The following CYBRD1 variants were observed in gnomAD, a reference collection of about 807,000 sequenced individuals.
CYBRD1 encodes cytochrome b reductase 1.
A neutral mutation model predicts 21.9 loss-of-function variants in CYBRD1; 14 were observed. The ratio of observed to expected loss-of-function variants is 0.64; its 90% confidence interval spans 0.42 to 1.00. CYBRD1 has a LOEUF of 1.00. CYBRD1 is among the 50% of genes least tolerant of loss of function. The probability of loss-of-function intolerance (pLI) is 0.00; values close to 1 mark genes in which losing one functional copy is unlikely to be tolerated. For missense variants in CYBRD1, 328 were observed against 352.5 expected (o/e 0.93, Z 0.56); for synonymous variants, 146 against 136.5 (o/e 1.07, Z -0.48).
chr2:171,557,310 T>C lies in CYBRD1; in HGVS notation c.*2483T>C, dbSNP rs1683507060. On this transcript the variant is annotated 3_prime_UTR_variant, in exon 4 of 4. Transcript: ENST00000321348. The stretch of plus-strand genomic sequence containing the variant: ...TAATAGGGGAGAAGAAAGCCTTAGG[T>C]ATCAATTCCAAAACAGTGATTGAAA... 6.6e-6 allele frequency: 1 copy of C among 152,144 alleles called. No homozygotes were observed. Among genetic ancestry groups the C allele is most frequent in the Non-Finnish European group, 1.5e-5 (1 of 68,018 alleles). 9.4% of individuals were successfully genotyped at this position (152,144 alleles called of 1,614,324 possible).
intron 1 of CYBRD1, among the ~76,000 whole-genome samples, chr2:171,529,652 T>C (rs1282080929): frequency 6.6e-6 from 1 of 151,320 alleles, no homozygotes; most frequent in Non-Finnish European, 1.5e-5. Context: ...GGCTGGGCAG[T>C]GGCAGTGGGC....
At chr2:171,551,307 T>C (rs964716913) in intron 2 of CYBRD1, among the ~76,000 whole-genome samples, 1 of 152,132 alleles carries the variant, frequency 6.6e-6, no homozygotes, top group East Asian at 1.9e-4. Context: ...TTGATACTAA[T>C]AGAATCACTG....
In CYBRD1 at chr2:171,537,527, G is replaced by A. The variant is rs6704910; in HGVS notation, c.194-4058G>A. Among the ~76,000 whole-genome samples the A allele has an allele frequency of 8.5e-3, 1,299 of 152,148 alleles. 16 individuals carry two copies. Among genetic ancestry groups the A allele is most frequent in the African/African-American group, 0.03 (1,241 of 41,516 alleles). ...CACACATACACACAAGTAACCTAGT[G>A]AAATCTGAATAAGGGATGGAGGAGG... On this transcript the variant is annotated intron_variant, in intron 1 of 3. Transcript: ENST00000321348.
At chr2:171,531,980 C>CTGAA (rs1187240632) in intron 1 of CYBRD1, among the ~76,000 whole-genome samples, 1 of 152,194 alleles carries the variant, frequency 6.6e-6, no homozygotes, top group Middle Eastern at 3.2e-3. Context: ...TCCAAATCAT[C>CTGAA]TGAATCACTT....
At chr2:171,546,066 A>T (rs1206547966) in intron 2 of CYBRD1, among the ~76,000 whole-genome samples, 1 of 152,132 alleles carries the variant, frequency 6.6e-6, no homozygotes, top group Non-Finnish European at 1.5e-5. Context: ...GTGCTAACCG[A>T]GCTTCTCAGA....
intron 1 of CYBRD1, chr2:171,540,824 G>T (rs917556625): frequency 2.2e-5 from 3 of 134,094 alleles, no homozygotes; most frequent in Admixed American, 8.5e-5. Context: ...GTGCAGTGGC[G>T]CAATCTCGGC....
At chr2:171,528,926 C>T (rs1473265871) in intron 1 of CYBRD1, among the ~76,000 whole-genome samples, 1 of 152,218 alleles carries the variant, frequency 6.6e-6, no homozygotes, top group Admixed American at 6.5e-5. Context: ...ATCTTATAGA[C>T]TCTGAATTCA....
At chr2:171,534,949 G>T (rs572343564) in intron 1 of CYBRD1, among the ~76,000 whole-genome samples, 137 of 152,328 alleles carry the variant, frequency 9.0e-4, no homozygotes, top group African/African-American at 3.0e-3. Context: ...GCTGAGATGG[G>T]AGGATGGCTT....
rs1226405210 is a variant in CYBRD1, at chr2:171,554,688, C to T, written c.722C>T (p.Thr241Ile). Residue 241 changes from threonine (T) to isoleucine (I), a missense_variant, in exon 4 of 4, where the codon ACT becomes ATT. Transcript: ENST00000321348. ...ACCATTCTTCATCCAAATGGAGGCACTGAACAGGGAGCAAGAGGTTCCATG... is the reference window on the plus strand; with the variant it reads ...ACCATTCTTCATCCAAATGGAGGCATTGAACAGGGAGCAAGAGGTTCCATG... ...NSTILHPNGG[T>I]EQGARGSMPA... is the part of the protein sequence containing the mutation. 1 of 1,614,060 alleles carries T rather than the reference C, an allele frequency of 6.2e-7. No homozygotes were observed. Among genetic ancestry groups the T allele is most frequent in the Admixed American group, 1.7e-5 (1 of 59,978 alleles).
intron 1 of CYBRD1, among the ~76,000 whole-genome samples, chr2:171,526,472 A>G (rs1225676269): frequency 6.6e-6 from 1 of 150,654 alleles, no homozygotes; most frequent in Non-Finnish European, 1.5e-5. Context: ...CCATACTCCA[A>G]GTATATTTTG....
Position 171,554,644 on chromosome 2 carries a change from T to G in CYBRD1, c.678T>G (p.Arg226=). 1 of 1,614,002 alleles carries G rather than the reference T, an allele frequency of 6.2e-7. No homozygotes were observed. Among genetic ancestry groups the G allele is most frequent in the South Asian group, 1.1e-5 (1 of 91,080 alleles). ...TAGTCACCAGACCGCAATGGAAACG[T>G]CCTAAGGAGCCAAATTCTACCATTC... The part of the protein sequence containing the change: ...FWIVTRPQWK[R]PKEPNSTILH... Residue 226 remains arginine (R), a synonymous_variant, in exon 4 of 4, where the codon CGT becomes CGG. Coordinates refer to ENST00000321348, the MANE Select transcript of CYBRD1 (RefSeq NM_024843.4).
At chr2:171,528,075 G>A (rs1001862461) in intron 1 of CYBRD1, among the ~76,000 whole-genome samples, 5 of 150,762 alleles carry the variant, frequency 3.3e-5, no homozygotes, top group African/African-American at 1.2e-4. Flanking sequence ...CTCCTCCTTG[G>A]GGCACTTTAT....
At chr2:171,536,786 T>C (rs898118865) in intron 1 of CYBRD1, among the ~76,000 whole-genome samples, 3 of 152,208 alleles carry the variant, frequency 2.0e-5, no homozygotes, top group Admixed American at 6.5e-5. Flanking sequence ...GAATTTTTGA[T>C]ATAATATGAT....
Position 171,522,587 on chromosome 2 carries a change from G to A in CYBRD1, c.42G>A (p.Gly14=), listed in dbSNP as rs372271042. 6.2e-7 allele frequency: 1 copy of A among 1,611,550 alleles called. No homozygotes were observed. The highest frequency in any genetic ancestry group is 8.5e-7 in the Non-Finnish European group (1 of 1,179,296). Residue 14 remains glycine, a synonymous_variant, in exon 1 of 4, where the codon GGG becomes GGA. Transcript: ENST00000321348. This position sits in a 1 kb window ranked among gnomAD's most constrained non-coding sequence, Gnocchi z 4.3. The stretch of plus-strand genomic sequence containing the variant: ...ACTGGCGCTTCCTGGCGCTGCTGGG[G>A]TCGGCACTGCTCGTCGGCTTCCTGT... The part of the protein sequence containing the change: ...EGYWRFLALL[G]SALLVGFLSV...
Position 171,525,943 on chromosome 2 carries a change from C to A in CYBRD1, c.193+3205C>A, listed in dbSNP as rs1386854690. Among the ~76,000 whole-genome samples, 16 of 115,640 alleles carry A rather than the reference C, an allele frequency of 1.4e-4. No individual in the cohort carries two copies. The Admixed American group carries it at 1.4e-3, about 10-fold the overall frequency. The allele number at this position is 115,640 out of a possible 152,430, so 75.9% of individuals were successfully genotyped here. A position where few individuals can be genotyped will look rare whatever the true frequency, so the allele number is the denominator to read the frequency against. On this transcript the variant is annotated intron_variant, in intron 1 of 3. Transcript: ENST00000321348. ...GCCTGGGCAACAAGAGCGAAACTCC[C>A]GTCTAAAAAAAAAAAAAAAAAAAAA...
rs1378278339 is a variant in CYBRD1, at chr2:171,523,337, G to T, written c.193+599G>T. ...GGTAAAGGGGCTGGCCAAGGGGGGCGAGTGAAGCATCCGCCCTGGGTTCCT... is the reference window on the plus strand; with the variant it reads ...GGTAAAGGGGCTGGCCAAGGGGGGCTAGTGAAGCATCCGCCCTGGGTTCCT... On this transcript the variant is annotated intron_variant, in intron 1 of 3. Transcript: ENST00000321348. 3 of 357,776 alleles carry T rather than the reference G, an allele frequency of 8.4e-6. No individual in the cohort carries two copies. The East Asian group carries it at 3.6e-4, about 43-fold the overall frequency. 22.2% of individuals were successfully genotyped at this position (357,776 alleles called of 1,614,324 possible).
chr2:171,540,216 T>G (rs1201643780), intron 1 of CYBRD1, among the ~76,000 whole-genome samples: 1 of 152,218 alleles, frequency 6.6e-6, no homozygotes. Flanking sequence ...ACTTTTCCAA[T>G]GCAGAGATGA....
chr2:171,554,860 G>T lies in CYBRD1; in HGVS notation c.*33G>T. 1 of 1,608,042 alleles carries T rather than the reference G, an allele frequency of 6.2e-7. No individual in the cohort carries two copies. Among genetic ancestry groups the T allele is most frequent in the South Asian group, 1.1e-5 (1 of 90,756 alleles). The stretch of plus-strand genomic sequence containing the variant: ...TAGAGATAGAGCCATATAACGTCAC[G>T]TTTCAAAACTAGCTCTACAGTTTTG... On this transcript the variant is annotated 3_prime_UTR_variant, in exon 4 of 4. Coordinates refer to ENST00000321348, the MANE Select transcript of CYBRD1 (RefSeq NM_024843.4).
In CYBRD1 at chr2:171,543,597, G is replaced by C. The variant is rs151142317; in HGVS notation, c.402+1804G>C. ...TTAAAATACTTTAATCACATACTGTGAATCAATATATTGATTAAACAAGAT... is the reference window on the plus strand; with the variant it reads ...TTAAAATACTTTAATCACATACTGTCAATCAATATATTGATTAAACAAGAT... On this transcript the variant is annotated intron_variant, in intron 2 of 3. Coordinates refer to ENST00000321348, the MANE Select transcript of CYBRD1 (RefSeq NM_024843.4). Among the ~76,000 whole-genome samples, 222 of 151,992 alleles carry C rather than the reference G, an allele frequency of 1.5e-3. No homozygotes were observed. In the East Asian group the frequency reaches 0.015, roughly 10 times the overall value.
Sources: allele counts gnomAD v4.1 joint callset (sites outside exome capture counted in the v4.1 genomes callset), GRCh38; gene constraint gnomAD v4.1.1; non-coding constraint Gnocchi (gnomAD v3.1); transcripts MANE v1.5; gene names NCBI Gene and HGNC (gene_info 2026-07-23, HGNC 2026-07-21).